Variants in AEBP2 observed in about 807,000 individuals in gnomAD.
AEBP2 encodes zinc finger protein AEBP2.
In AEBP2, 10 loss-of-function variants were observed where a neutral mutation model predicts 50.8. The ratio of observed to expected loss-of-function variants is 0.20; its 90% CI spans 0.12 to 0.33. AEBP2 has a LOEUF of 0.33. Among genes scored for constraint, AEBP2 ranks in the 10% least tolerant of loss-of-function variants. AEBP2 has a pLI of 1.00. For missense variants in AEBP2, 570 were observed against 688.0 expected (o/e 0.83, Z 1.92); for synonymous variants, 296 against 261.3 (o/e 1.13, Z -1.28).
Position 19,518,228 on chromosome 12 carries a change from T to G in AEBP2, c.*111T>G. On this transcript the variant is annotated 3_prime_UTR_variant, in exon 8 of 8. Transcript: ENST00000266508. ...TAGAGTCAACCCCTTCTTTTTTTTTTTTTTTTTTTTAAATCCAGTATTTAG... is the reference window on the plus strand; with the variant it reads ...TAGAGTCAACCCCTTCTTTTTTTTTGTTTTTTTTTTAAATCCAGTATTTAG... The G allele has an allele frequency of 7.2e-7, 1 of 1,387,520 alleles. No individual in the cohort carries two copies. Among genetic ancestry groups the G allele is most frequent in the Non-Finnish European group, 9.3e-7 (1 of 1,073,398 alleles). 86.0% of individuals were successfully genotyped at this position (1,387,520 alleles called of 1,614,324 possible).
At position 19,518,150 on chromosome 12, in the gene AEBP2, G is replaced by C; in HGVS notation, c.*33G>C. 6.3e-7 allele frequency: 1 copy of C among 1,578,336 alleles called. No homozygotes were observed. Among genetic ancestry groups the C allele is most frequent in the Non-Finnish European group, 8.6e-7 (1 of 1,162,366 alleles). ...ATAAATACATAAAAAGCAAACAAGCGGGGACACCTGCAGTCTTAGTCACTG... is the reference window on the plus strand; with the variant it reads ...ATAAATACATAAAAAGCAAACAAGCCGGGACACCTGCAGTCTTAGTCACTG... On this transcript the variant is annotated 3_prime_UTR_variant, in exon 8 of 8. Coordinates refer to ENST00000266508, the MANE Select transcript of AEBP2 (RefSeq NM_153207.5).
intron 3 of AEBP2, among the ~76,000 whole-genome samples, chr12:19,477,693 T>G (rs751534419): frequency 2.0e-5 from 3 of 152,194 alleles, no homozygotes; most frequent in Non-Finnish European, 4.4e-5. Flanking sequence ...AGCTAGTATT[T>G]TGTTGAGGAT....
intron 2 of AEBP2, among the ~76,000 whole-genome samples, chr12:19,464,646 G>C (rs1467181508): frequency 1.3e-5 from 2 of 151,526 alleles, no homozygotes; most frequent in African/African-American, 4.8e-5. Context: ...GAGGGTAATG[G>C]TGCGGTCTCA....
chr12:19,427,665 A>G (rs2095749255), intron 1 of AEBP2, among the ~76,000 whole-genome samples: 1 of 152,182 alleles, frequency 6.6e-6, no homozygotes, highest in African/African-American at 2.4e-5. Flanking sequence ...ACAAGGAGGC[A>G]AAAAACCATA....
chr12:19,465,123 G>A lies in AEBP2; in HGVS notation c.879+2406G>A, dbSNP rs576504871. 8.5e-5 allele frequency among the ~76,000 whole-genome samples: 13 copies of A among 152,104 alleles called. No individual in the cohort carries two copies. The South Asian group carries it at 2.1e-3, about 24-fold the overall frequency. ...AGAGTGATGCTGTTTGGCCGGGCGCGGTGGCTCGTGCCTATAATCCCAGCA... is the reference window on the plus strand; with the variant it reads ...AGAGTGATGCTGTTTGGCCGGGCGCAGTGGCTCGTGCCTATAATCCCAGCA... On this transcript the variant is annotated intron_variant, in intron 2 of 7. Transcript: ENST00000266508.
chr12:19,417,823 G>A (rs1565695484), intron 1 of AEBP2, among the ~76,000 whole-genome samples: 1 of 151,884 alleles, frequency 6.6e-6, no homozygotes. Context: ...TCCTGCCTCA[G>A]CCTCCTGAGT....
intron 2 of AEBP2, among the ~76,000 whole-genome samples, chr12:19,472,651 C>T (rs967190037): frequency 2.0e-5 from 3 of 151,920 alleles, no homozygotes; most frequent in South Asian, 2.1e-4. Context: ...ATGTCATAAT[C>T]GAGATAGAAA....
At chr12:19,512,572 T>A in intron 6 of AEBP2, 107 bp downstream of exon 6, 1 of 792,676 alleles carries the variant, frequency 1.3e-6, no homozygotes, top group Non-Finnish European at 1.9e-6. Flanking sequence ...GAAATTACAT[T>A]TTACAACGTT....
Position 19,518,534 on chromosome 12 carries a change from G to A in AEBP2, c.*417G>A. Reference sequence around the variant, plus strand: ...TGCCCTTACAAATACCAAAAGCACTGTAAGGATATTTGTCTTGACAGTGTT... The same window carrying A: ...TGCCCTTACAAATACCAAAAGCACTATAAGGATATTTGTCTTGACAGTGTT... On this transcript the variant is annotated 3_prime_UTR_variant, in exon 8 of 8. Coordinates refer to ENST00000266508, the MANE Select transcript of AEBP2 (RefSeq NM_153207.5). The A allele has an allele frequency of 7.8e-7, 1 of 1,286,442 alleles. No individual in the cohort carries two copies. The highest frequency in any genetic ancestry group is 9.9e-7 in the Non-Finnish European group (1 of 1,008,214). The allele number at this position is 1,286,442 out of a possible 1,614,324, so 79.7% of individuals were successfully genotyped here.
chr12:19,485,965 T>G (rs1729196981), intron 3 of AEBP2, among the ~76,000 whole-genome samples: 1 of 149,752 alleles, frequency 6.7e-6, no homozygotes, highest in South Asian at 2.1e-4. Context: ...TTTTTTTTTT[T>G]TTTCATTTTG....
intron 4 of AEBP2, among the ~76,000 whole-genome samples, chr12:19,499,530 C>A (rs533620409): frequency 1.3e-5 from 2 of 150,498 alleles, no homozygotes; most frequent in Admixed American, 1.3e-4. Context: ...ATGAGAATTG[C>A]TTGAACCTGG....
intron 1 of AEBP2, among the ~76,000 whole-genome samples, chr12:19,424,349 G>A (rs2095747378): frequency 6.6e-6 from 1 of 152,060 alleles, no homozygotes. Context: ...GAAAGATGAT[G>A]GGATCAAGAT....
chr12:19,442,016 T>A (rs563125945), intron 1 of AEBP2, among the ~76,000 whole-genome samples: 5 of 152,294 alleles, frequency 3.3e-5, no homozygotes, highest in Non-Finnish European at 7.3e-5. Context: ...AGTATCTTAC[T>A]CAGGACAGTA....
intron 1 of AEBP2, chr12:19,413,148 G>A (rs2095740379): frequency 4.1e-6 from 3 of 730,220 alleles, no homozygotes; most frequent in Admixed American, 1.9e-5. Context: ...AAGTTTAGCC[G>A]ACAGGATCCT....
intron 1 of AEBP2, among the ~76,000 whole-genome samples, chr12:19,462,157 TTTC>T (rs1351714601): frequency 6.6e-6 from 1 of 152,168 alleles, no homozygotes; most frequent in Non-Finnish European, 1.5e-5. Context: ...AAACTCTTAC[TTTC>T]TTATGCTTCT....
Position 19,456,553 on chromosome 12 carries a change from G to A in AEBP2, c.672-5957G>A. ...GCAGTGTGAGCCGTGTGGCAATCCA[G>A]TACAGGGGCATAGCCAGCACTTATT... On this transcript the variant is annotated intron_variant, in intron 1 of 7. Transcript: ENST00000266508. The A allele has an allele frequency of 7.2e-6, 11 of 1,536,318 alleles. No individual in the cohort carries two copies. The South Asian group carries it at 1.2e-4, about 17-fold the overall frequency.
At chr12:19,433,607 C>T (rs1346300561) in intron 1 of AEBP2, among the ~76,000 whole-genome samples, 1 of 151,732 alleles carries the variant, frequency 6.6e-6, no homozygotes, top group Non-Finnish European at 1.5e-5. Context: ...TAATGAAACC[C>T]CATCTCTATT....
chr12:19,485,201 G>A (rs186659439), intron 3 of AEBP2, among the ~76,000 whole-genome samples: 1,801 of 152,086 alleles, frequency 0.012, 41 homozygotes, highest in African/African-American at 0.041. Flanking sequence ...AATGTTTTGT[G>A]TTTTTTGTTT....
rs549098591 is a variant in AEBP2, at chr12:19,450,318, C to T, written c.671+9948C>T. On this transcript the variant is annotated intron_variant, in intron 1 of 7. Transcript: ENST00000266508. ...GTTCTAAATTTGGGACAATTTCTTT[C>T]TACCCTCAGTGTTGCTTTCTATGAC... is the stretch of plus-strand genomic sequence containing the variant. 3.4e-4 allele frequency among the ~76,000 whole-genome samples: 51 copies of T among 151,940 alleles called. 1 individual carries two copies. In the South Asian group the frequency reaches 0.011, roughly 32 times the overall value.
Sources: gnomAD v4.1 joint callset for allele counts (sites outside exome capture counted in the v4.1 genomes callset) on GRCh38, gnomAD v4.1.1 for gene constraint, MANE v1.5 for transcripts, NCBI Gene and HGNC (gene_info 2026-07-23, HGNC 2026-07-21) for gene names.